The following HPSE2 variants were observed in gnomAD, a reference collection of about 807,000 sequenced individuals.
The protein encoded by HPSE2 is inactive heparanase-2.
HPSE2 carries 38 observed loss-of-function variants against 60.5 expected under a neutral mutation model. That is an observed-to-expected ratio of 0.63 (90% CI 0.48 to 0.82). The LOEUF (loss-of-function observed/expected upper bound fraction) is 0.82. HPSE2 is among the 40% of genes least tolerant of loss of function. The probability of loss-of-function intolerance (pLI) is 0.00; values close to 1 mark genes in which losing one functional copy is unlikely to be tolerated. For missense variants in HPSE2, 713 were observed against 740.4 expected, an observed-to-expected ratio of 0.96 and a Z score of 0.43; for synonymous variants, 295 against 293.2, an observed-to-expected ratio of 1.01 and a Z score of -0.06.
chr10:98,982,395 A>G (rs1165406138), intron 3 of HPSE2, among the ~76,000 whole-genome samples: 2 of 152,252 alleles, frequency 1.3e-5, no homozygotes, highest in East Asian at 3.8e-4. Context: ...CTTTATAAAG[A>G]AAGTTTTATA....
chr10:99,005,131 G>A (rs111732737), intron 3 of HPSE2, among the ~76,000 whole-genome samples: 7 of 152,180 alleles, frequency 4.6e-5, no homozygotes, highest in African/African-American at 1.4e-4. Flanking sequence ...GCATAATCTT[G>A]TGTGAACTGA....
intron 9 of HPSE2, among the ~76,000 whole-genome samples, chr10:98,492,996 A>G (rs1484833603): frequency 6.6e-5 from 10 of 152,020 alleles, no homozygotes; most frequent in Admixed American, 2.0e-4. Context: ...CCCTCCCCCA[A>G]TCTCTGGCAA....
At chr10:98,735,850 T>C (rs1949343741) in intron 4 of HPSE2, among the ~76,000 whole-genome samples, 2 of 152,224 alleles carry the variant, frequency 1.3e-5, no homozygotes, top group Admixed American at 6.5e-5. Context: ...TTGCTTTTGA[T>C]TTTACAGGCT....
intron 3 of HPSE2, among the ~76,000 whole-genome samples, chr10:98,873,050 A>C (rs1952776850): frequency 6.6e-6 from 1 of 152,124 alleles, no homozygotes; most frequent in South Asian, 2.1e-4. Flanking sequence ...TCTTAGAGCC[A>C]TCACGGTTAC....
intron 3 of HPSE2, among the ~76,000 whole-genome samples, chr10:98,870,945 T>TA (rs11423592): frequency 0.97 from 137,735 of 142,188 alleles, 66,692 homozygotes; most frequent in East Asian, 0.99. Flanking sequence ...TTTAAATTAT[T>TA]AAAAAAAAAA....
At chr10:98,772,249 G>A (rs1220255770) in intron 3 of HPSE2, among the ~76,000 whole-genome samples, 4 of 152,150 alleles carry the variant, frequency 2.6e-5, no homozygotes, top group Non-Finnish European at 4.4e-5. Flanking sequence ...GACATCCCCA[G>A]GGGCAAATAT....
At chr10:99,152,330 G>T (rs1030732259) in intron 2 of HPSE2, among the ~76,000 whole-genome samples, 9 of 140,822 alleles carry the variant, frequency 6.4e-5, no homozygotes, top group Non-Finnish European at 9.2e-5. Flanking sequence ...AAAAAAAAAA[G>T]ACTGAGAGAA....
chr10:98,647,916 T>A (rs488280), intron 6 of HPSE2, among the ~76,000 whole-genome samples: 151,073 of 152,362 alleles, frequency 0.99, 74,908 homozygotes, highest in East Asian at 1. Context: ...ATAATTCCAT[T>A]CAGGAATCAT....
At chr10:99,145,271 A>G (rs1443725750) in intron 2 of HPSE2, among the ~76,000 whole-genome samples, 1 of 152,130 alleles carries the variant, frequency 6.6e-6, no homozygotes, top group East Asian at 1.9e-4. Context: ...TCTGACCAAT[A>G]TGGTGAAACC....
At chr10:98,856,619 C>T (rs971112530) in intron 3 of HPSE2, among the ~76,000 whole-genome samples, 2 of 152,084 alleles carry the variant, frequency 1.3e-5, no homozygotes, top group East Asian at 1.9e-4. Flanking sequence ...AAAAAAAAAT[C>T]TTTCAGAATA....
intron 3 of HPSE2, among the ~76,000 whole-genome samples, chr10:98,904,983 G>A (rs1453748240): frequency 6.6e-6 from 1 of 152,094 alleles, no homozygotes; most frequent in Non-Finnish European, 1.5e-5. Context: ...ACATAAAAAT[G>A]TAAAGTATTT....
chr10:98,520,137 G>A (rs1942739039), intron 9 of HPSE2, among the ~76,000 whole-genome samples: 2 of 152,216 alleles, frequency 1.3e-5, no homozygotes, highest in African/African-American at 4.8e-5. Flanking sequence ...TGGTGGGAAA[G>A]CATGACAAAA....
At chr10:98,944,143 A>G (rs757330895) in intron 3 of HPSE2, among the ~76,000 whole-genome samples, 4 of 152,172 alleles carry the variant, frequency 2.6e-5, no homozygotes, top group Non-Finnish European at 4.4e-5. Context: ...AGGCAGATCA[A>G]TTTGAAAGGC....
At chr10:99,001,097 C>G (rs886393342) in intron 3 of HPSE2, among the ~76,000 whole-genome samples, 1 of 152,004 alleles carries the variant, frequency 6.6e-6, no homozygotes, top group Non-Finnish European at 1.5e-5. Context: ...AATAAACAAC[C>G]TCATTTCTCT....
intron 3 of HPSE2, among the ~76,000 whole-genome samples, chr10:98,952,314 T>TTGTGTGTGTGTG (rs59116303): frequency 1.5e-4 from 20 of 137,412 alleles, no homozygotes; most frequent in African/African-American, 3.3e-4. Flanking sequence ...AAGAATTTGT[T>TTGTGTGTGTGTG]TGTGTGTGTG....
intron 2 of HPSE2, among the ~76,000 whole-genome samples, chr10:99,215,960 A>C (rs1208826387): frequency 6.6e-6 from 1 of 152,242 alleles, no homozygotes; most frequent in East Asian, 1.9e-4. Context: ...AAATACTTGT[A>C]AAGTGTTTAG....
At chr10:99,046,089 C>G (rs532396467) in intron 3 of HPSE2, among the ~76,000 whole-genome samples, 16 of 152,126 alleles carry the variant, frequency 1.1e-4, no homozygotes, top group Non-Finnish European at 2.2e-4. Context: ...CAATGACATA[C>G]TAACAAACTG....
intron 2 of HPSE2, among the ~76,000 whole-genome samples, chr10:99,158,909 T>G (rs1225628790): frequency 6.6e-6 from 1 of 152,120 alleles, no homozygotes; most frequent in Non-Finnish European, 1.5e-5. Flanking sequence ...AATTCAATCA[T>G]ATTAATAATT....
At chr10:98,590,136 G>C (rs1047979502) in intron 9 of HPSE2, among the ~76,000 whole-genome samples, 2 of 152,326 alleles carry the variant, frequency 1.3e-5, no homozygotes, top group Middle Eastern at 3.4e-3. Context: ...AACCCCCAAA[G>C]CCTTAGTCAT....
Sources: allele counts gnomAD v4.1 joint callset (sites outside exome capture counted in the v4.1 genomes callset), GRCh38; gene constraint gnomAD v4.1.1; transcripts MANE v1.5; gene names NCBI Gene and HGNC (gene_info 2026-07-23, HGNC 2026-07-21).